DCP1A: variants seen among roughly 807,000 people sequenced by gnomAD.
DCP1A encodes the protein mRNA-decapping enzyme 1A.
DCP1A carries 20 observed loss-of-function variants against 58.0 expected under a neutral mutation model. The ratio of observed to expected loss-of-function variants is 0.34; its 90% CI spans 0.24 to 0.50. The LOEUF (loss-of-function observed/expected upper bound fraction) is 0.50, where lower values mean the gene tolerates loss of function less well. Ranked by LOEUF, DCP1A falls within the 20% of genes least tolerant of loss-of-function variation. DCP1A has a pLI of 0.98. For missense variants in DCP1A, 613 were observed against 712.2 expected, an observed-to-expected ratio of 0.86 and a Z score of 1.59; for synonymous variants, 285 against 275.1, an observed-to-expected ratio of 1.04 and a Z score of -0.36.
intron 5 of DCP1A, among the ~76,000 whole-genome samples, chr3:53,310,433 G>T (rs1263703350): frequency 6.6e-6 from 1 of 152,174 alleles, no homozygotes; most frequent in Non-Finnish European, 1.5e-5. Context: ...TGGAGTATCT[G>T]CTTTAGTGCG....
chr3:53,346,632 C>A (rs57320366), intron 1 of DCP1A, among the ~76,000 whole-genome samples: 1,572 of 152,308 alleles, frequency 0.01, 22 homozygotes, highest in African/African-American at 0.036. Context: ...AGTGAACACA[C>A]TGAATGTGAC....
At chr3:53,303,249 C>T (rs1707366884) in intron 6 of DCP1A, among the ~76,000 whole-genome samples, 1 of 151,884 alleles carries the variant, frequency 6.6e-6, no homozygotes, top group Admixed American at 6.6e-5. Context: ...CTGTGCCTGT[C>T]CAAGGGGTGT....
chr3:53,285,700 C>G lies in DCP1A; in HGVS notation c.*1880G>C, dbSNP rs1706607639. 1.3e-5 allele frequency: 2 copies of G among 152,110 alleles called. No individual in the cohort carries two copies. Among genetic ancestry groups the G allele is most frequent in the South Asian group, 4.1e-4 (2 of 4,822 alleles). The allele number at this position is 152,110 out of a possible 1,614,324, so 9.4% of individuals were successfully genotyped here. A position where few individuals can be genotyped will look rare whatever the true frequency, so the allele number is the denominator to read the frequency against. On this transcript the variant is annotated 3_prime_UTR_variant, in exon 10 of 10. Transcript: ENST00000610213. The stretch of plus-strand genomic sequence containing the variant: ...AAGCATAATTTCGATTCAAGAATCC[C>G]TTGATTCGTCTGTTCACCGAAGCCC...
intron 3 of DCP1A, among the ~76,000 whole-genome samples, chr3:53,336,878 A>ATTTG (rs2089125879): frequency 6.6e-6 from 1 of 150,924 alleles, no homozygotes; most frequent in Non-Finnish European, 1.5e-5. Context: ...TTATTTATTT[A>ATTTG]TTTATTTATT....
chr3:53,292,109 G>A lies in DCP1A; in HGVS notation c.1343C>T (p.Ala448Val). 1.2e-6 allele frequency: 2 copies of A among 1,613,626 alleles called. No homozygotes were observed. Among genetic ancestry groups the A allele is most frequent in the Non-Finnish European group, 1.7e-6 (2 of 1,179,832 alleles). ...PSKTAAARVAASASLSNMVLA... is the reference protein window; with the variant it reads ...PSKTAAARVAVSASLSNMVLA... ...CACCATGTTGCTCAGGGAGGCTGAGGCCGCCACTCTTGCTGCTGCTGTCTT... is the reference window on the plus strand; with the variant it reads ...CACCATGTTGCTCAGGGAGGCTGAGACCGCCACTCTTGCTGCTGCTGTCTT... The change falls in exon 7 of 10, where the codon GCC (alanine) becomes GTC (valine). Residue 448 changes from alanine to valine, a missense_variant. Coordinates refer to ENST00000610213, the MANE Select transcript of DCP1A (RefSeq NM_018403.7).
chr3:53,331,749 A>G (rs868956724), intron 3 of DCP1A, among the ~76,000 whole-genome samples: 2 of 152,208 alleles, frequency 1.3e-5, no homozygotes, highest in Admixed American at 6.5e-5. Context: ...TTCTTGGGGC[A>G]TTTTGTAATT....
chr3:53,284,344 G>T lies in DCP1A; in HGVS notation c.*3236C>A, dbSNP rs1706544997. The T allele has an allele frequency of 1.3e-5, 2 of 152,056 alleles. No individual in the cohort carries two copies. Among genetic ancestry groups the T allele is most frequent in the Admixed American group, 6.6e-5 (1 of 15,256 alleles). 9.4% of individuals were successfully genotyped at this position (152,056 alleles called of 1,614,324 possible). ...AAAATTTCAAACTACATTCTTTGGGGGAGGAGAGTAATAAAGCTGCATGGT... is the reference window on the plus strand; with the variant it reads ...AAAATTTCAAACTACATTCTTTGGGTGAGGAGAGTAATAAAGCTGCATGGT... On this transcript the variant is annotated 3_prime_UTR_variant, in exon 10 of 10. Transcript: ENST00000610213.
intron 1 of DCP1A, among the ~76,000 whole-genome samples, chr3:53,345,878 T>C (rs1429571664): frequency 6.6e-6 from 1 of 152,158 alleles, no homozygotes; most frequent in Non-Finnish European, 1.5e-5. Flanking sequence ...AAAAGAAAAT[T>C]TGCCCACCAA....
At chr3:53,290,327 C>A (rs916307081) in intron 8 of DCP1A, among the ~76,000 whole-genome samples, 3 of 152,128 alleles carry the variant, frequency 2.0e-5, no homozygotes, top group African/African-American at 7.2e-5. Context: ...CACAGCTCTT[C>A]CAGGGCAGTA....
At chr3:53,293,973 G>A (rs1399652004) in intron 6 of DCP1A, among the ~76,000 whole-genome samples, 1 of 152,218 alleles carries the variant, frequency 6.6e-6, no homozygotes, top group African/African-American at 2.4e-5. Flanking sequence ...AGCTCAGTGG[G>A]AAGGAAGGCA....
chr3:53,327,490 T>C (rs1485964734), intron 3 of DCP1A, among the ~76,000 whole-genome samples: 1 of 152,326 alleles, frequency 6.6e-6, no homozygotes, highest in Admixed American at 6.5e-5. Context: ...GCTTTCCTTT[T>C]ATTAAAAAGA....
rs1461908104 is a variant in DCP1A, at chr3:53,285,572, T to G, written c.*2008A>C. On this transcript the variant is annotated 3_prime_UTR_variant, in exon 10 of 10. Transcript: ENST00000610213. ...AAGCCTTATCATAGATGCTCTTTACTGTCTATCATATCCATTCCTAGCATT... is the reference window on the plus strand; with the variant it reads ...AAGCCTTATCATAGATGCTCTTTACGGTCTATCATATCCATTCCTAGCATT... 6.6e-6 allele frequency: 1 copy of G among 152,262 alleles called. No individual in the cohort carries two copies. Among genetic ancestry groups the G allele is most frequent in the African/African-American group, 2.4e-5 (1 of 41,470 alleles). The allele number at this position is 152,262 out of a possible 1,614,324, so 9.4% of individuals were successfully genotyped here. A position where few individuals can be genotyped will look rare whatever the true frequency, so the allele number is the denominator to read the frequency against.
At chr3:53,337,954 T>C (rs1221539020) in intron 3 of DCP1A, 5 of 213,550 alleles carry the variant, frequency 2.3e-5, no homozygotes, top group South Asian at 1.3e-4. Flanking sequence ...TTTTCCCTAA[T>C]TGCAAAGTTT....
intron 7 of DCP1A, among the ~76,000 whole-genome samples, 176 bp from the exon 8 acceptor site, chr3:53,291,032 C>T (rs1706847738): frequency 1.3e-5 from 2 of 152,164 alleles, no homozygotes; most frequent in Non-Finnish European, 2.9e-5. Flanking sequence ...GAACCTGTAA[C>T]CATGCAGCCA....
At chr3:53,312,432 C>G in intron 4 of DCP1A, 53 bp from the exon 5 acceptor site, 1 of 1,465,244 alleles carries the variant, frequency 6.8e-7, no homozygotes, top group South Asian at 1.4e-5. Context: ...AAATCTGACC[C>G]AAGATTTCTT....
Position 53,292,255 on chromosome 3 carries a change from C to G in DCP1A, c.1197G>C (p.Arg399Ser), listed in dbSNP as rs200771673. ...GTATTTGGTCATGCTGTGGGGTCAA[C>G]CTGAGTTTCTGGAGAAGATCAACGC... is the stretch of plus-strand genomic sequence containing the variant. Reference protein sequence around the residue: ...LPSVDLLQKLRLTPQHDQIQT... With the variant: ...LPSVDLLQKLSLTPQHDQIQT... Residue 399 changes from arginine to serine, a missense_variant, in exon 7 of 10, where the codon AGG becomes AGC. This residue lies in a region of DCP1A where 498 missense variants were observed against 556.7 expected (regional missense o/e 0.89). Transcript: ENST00000610213. 87 of 1,613,868 alleles carry G rather than the reference C, an allele frequency of 5.4e-5. No individual in the cohort carries two copies. The highest frequency in any genetic ancestry group is 6.4e-5 in the Non-Finnish European group (75 of 1,179,902).
At chr3:53,332,128 A>G (rs1450818726) in intron 3 of DCP1A, among the ~76,000 whole-genome samples, 3 of 152,196 alleles carry the variant, frequency 2.0e-5, no homozygotes, top group African/African-American at 7.2e-5. Context: ...TTTGGAGACA[A>G]GTTTCCCTTG....
intron 6 of DCP1A, among the ~76,000 whole-genome samples, chr3:53,295,622 T>TG (rs1379095378): frequency 6.6e-6 from 1 of 152,184 alleles, no homozygotes; most frequent in African/African-American, 2.4e-5. Context: ...TCACAGCTCA[T>TG]GCAGCCTTGA....
At chr3:53,305,190 G>A (rs1707431972) in intron 5 of DCP1A, among the ~76,000 whole-genome samples, 1 of 152,100 alleles carries the variant, frequency 6.6e-6, no homozygotes, top group African/African-American at 2.4e-5. Flanking sequence ...GGTATTAATA[G>A]TTCACTCCTT....
Sources: allele counts gnomAD v4.1 joint callset (sites outside exome capture counted in the v4.1 genomes callset), GRCh38; gene constraint gnomAD v4.1.1; regional missense constraint gnomAD v4.1.1; transcripts MANE v1.5; gene names NCBI Gene and HGNC (gene_info 2026-07-23, HGNC 2026-07-21).